RALA: variants seen among roughly 807,000 people sequenced by gnomAD.
RALA encodes ras-related protein Ral-A.
In RALA, 5 loss-of-function variants were observed where a neutral mutation model predicts 24.0. The observed-to-expected ratio is 0.21, with a 90% confidence interval of 0.11 to 0.44. The LOEUF (loss-of-function observed/expected upper bound fraction) is 0.44. Among genes scored for constraint, RALA ranks in the 20% least tolerant of loss-of-function variants. RALA has a pLI of 0.99. For synonymous variants in RALA, 77 were observed against 83.8 expected (o/e 0.92, Z 0.44); for missense variants, 95 against 241.2 (o/e 0.39, Z 4.01).
At position 39,681,759 on chromosome 7, in the gene RALA, C is replaced by T. The variant is rs116613186; in HGVS notation, c.-37-4872C>T. Among the ~76,000 whole-genome samples, 1,022 of 152,236 alleles carry T rather than the reference C, an allele frequency of 6.7e-3. 11 individuals are homozygous for T. Among genetic ancestry groups the T allele is most frequent in the African/African-American group, 0.023 (964 of 41,516 alleles). On this transcript the variant is annotated intron_variant, in intron 1 of 4. Coordinates refer to ENST00000005257, the MANE Select transcript of RALA (RefSeq NM_005402.4). ...TGTGACTTCAAATATCATCTGTAAA[C>T]TGACGTGCAATTTTTTTTCCATCTC...
chr7:39,674,959 G>GA (rs1792454139), intron 1 of RALA, among the ~76,000 whole-genome samples: 1 of 151,710 alleles, frequency 6.6e-6, no homozygotes, highest in Non-Finnish European at 1.5e-5. Flanking sequence ...GCATAGCTGG[G>GA]ATTACAGGCA....
At chr7:39,696,420 TAA>T (rs1792922269) in intron 3 of RALA, among the ~76,000 whole-genome samples, 1 of 152,172 alleles carries the variant, frequency 6.6e-6, no homozygotes, top group African/African-American at 2.4e-5. Flanking sequence ...AACTCAAGGC[TAA>T]AGAGACATGA....
intron 1 of RALA, among the ~76,000 whole-genome samples, chr7:39,635,723 A>T (rs374840224): frequency 2.8e-4 from 42 of 152,334 alleles, no homozygotes; most frequent in African/African-American, 9.9e-4. Context: ...TAGATTGCTC[A>T]GGTGCACAGT....
chr7:39,632,601 T>G (rs994326189), intron 1 of RALA, among the ~76,000 whole-genome samples: 24 of 152,290 alleles, frequency 1.6e-4, no homozygotes, highest in Admixed American at 1.2e-3. Flanking sequence ...GCAGGTAGCT[T>G]GAGCTCATGA....
intron 1 of RALA, among the ~76,000 whole-genome samples, chr7:39,636,245 C>T (rs1032076502): frequency 1.3e-5 from 2 of 152,098 alleles, no homozygotes; most frequent in Admixed American, 6.5e-5. Flanking sequence ...AGTGCTGGGT[C>T]GTATAATAAC....
At chr7:39,703,760 A>G (rs1474497844) in intron 4 of RALA, among the ~76,000 whole-genome samples, 1 of 152,206 alleles carries the variant, frequency 6.6e-6, no homozygotes, top group Non-Finnish European at 1.5e-5. Context: ...TTGTACTTGT[A>G]TCTTTTCTCT....
At chr7:39,677,300 C>T (rs1370657231) in intron 1 of RALA, among the ~76,000 whole-genome samples, 7 of 151,696 alleles carry the variant, frequency 4.6e-5, no homozygotes, top group Admixed American at 2.6e-4. Context: ...TGAGAATATG[C>T]GGTGTTTGGT....
chr7:39,697,508 G>C, intron 4 of RALA: 1 of 454,920 alleles, frequency 2.2e-6, no homozygotes, highest in Non-Finnish European at 4.4e-6. Context: ...TCACTGGGCT[G>C]AGGTAGCACA....
chr7:39,687,639 G>T (rs2116073560), intron 2 of RALA, among the ~76,000 whole-genome samples: 1 of 152,246 alleles, frequency 6.6e-6, no homozygotes, highest in South Asian at 2.1e-4. Context: ...TTCCCTGCAG[G>T]AATGTTATCA....
At chr7:39,704,922 C>T (rs1237396305) in intron 4 of RALA, among the ~76,000 whole-genome samples, 2 of 152,104 alleles carry the variant, frequency 1.3e-5, no homozygotes, top group Non-Finnish European at 2.9e-5. Flanking sequence ...GTGATCTGCC[C>T]GCCTCGGCCT....
At chr7:39,691,026 G>T (rs180822729) in intron 3 of RALA, among the ~76,000 whole-genome samples, 3 of 152,160 alleles carry the variant, frequency 2.0e-5, no homozygotes, top group African/African-American at 2.4e-5. Flanking sequence ...AAATATAGAT[G>T]CCCTGATAGC....
intron 1 of RALA, among the ~76,000 whole-genome samples, chr7:39,634,875 C>G (rs1224636221): frequency 6.6e-6 from 1 of 152,028 alleles, no homozygotes; most frequent in African/African-American, 2.4e-5. Flanking sequence ...GTTAAAGTTT[C>G]TACTTATCTG....
intron 1 of RALA, among the ~76,000 whole-genome samples, chr7:39,643,948 T>C (rs1452849139): frequency 6.6e-6 from 1 of 152,180 alleles, no homozygotes; most frequent in East Asian, 1.9e-4. Context: ...GGCTATTGAA[T>C]TCAAGGAATA....
chr7:39,652,434 GT>G, intron 1 of RALA, among the ~76,000 whole-genome samples: 1 of 152,142 alleles, frequency 6.6e-6, no homozygotes, highest in Non-Finnish European at 1.5e-5. Flanking sequence ...ATTTGCATTA[GT>G]TTTTAAACAG....
intron 3 of RALA, 151 bp downstream of exon 3, chr7:39,690,741 C>G: frequency 1.6e-6 from 1 of 629,260 alleles, no homozygotes; most frequent in South Asian, 2.2e-5. Context: ...ATATGACTCT[C>G]TCTACTGTGT....
rs559227639 is a variant in RALA at position 39,682,161 on chromosome 7, G to A, written c.-37-4470G>A. ...AAAATAGTACATATCGCCTAGGATT[G>A]TAAATATCTGAAATGTAGTACTCAG... On this transcript the variant is annotated intron_variant, in intron 1 of 4. Transcript: ENST00000005257. Among the ~76,000 whole-genome samples, 10 of 152,310 alleles carry A rather than the reference G, an allele frequency of 6.6e-5. No homozygotes were observed. The East Asian group carries it at 1.9e-3, about 29-fold the overall frequency.
intron 1 of RALA, among the ~76,000 whole-genome samples, chr7:39,679,049 A>G (rs778406305): frequency 1.3e-5 from 2 of 149,058 alleles, no homozygotes; most frequent in African/African-American, 5.0e-5. Flanking sequence ...AATGCATAGC[A>G]TATGGGATAT....
At chr7:39,698,495 A>T (rs1227960470) in intron 4 of RALA, among the ~76,000 whole-genome samples, 1 of 152,238 alleles carries the variant, frequency 6.6e-6, no homozygotes, top group Non-Finnish European at 1.5e-5. Flanking sequence ...GTCATTAGAA[A>T]ATTATAGATT....
At chr7:39,650,382 G>A (rs1162530172) in intron 1 of RALA, among the ~76,000 whole-genome samples, 1 of 152,226 alleles carries the variant, frequency 6.6e-6, no homozygotes, top group East Asian at 1.9e-4. Context: ...GAGTAGTGCT[G>A]CAGAGAAGCC....
Sources: allele counts gnomAD v4.1 joint callset (sites outside exome capture counted in the v4.1 genomes callset), GRCh38; gene constraint gnomAD v4.1.1; transcripts MANE v1.5; gene names NCBI Gene and HGNC (gene_info 2026-07-23, HGNC 2026-07-21).